The following TENM3 variants were observed in gnomAD, a reference collection of about 807,000 sequenced individuals.
TENM3 encodes teneurin transmembrane protein 3, also known as teneurin-3.
In TENM3, 63 loss-of-function variants were observed where a neutral mutation model predicts 255.1. That is an observed-to-expected ratio of 0.25 (90% CI 0.20 to 0.30). The LOEUF is 0.30. Among genes scored for constraint, TENM3 ranks in the 10% least tolerant of loss-of-function variants. The pLI is 1.00. For synonymous variants in TENM3, 1,306 were observed against 1,322.3 expected, an observed-to-expected ratio of 0.99 and a Z score of 0.27; for missense variants, 2,929 against 3,461.1, an observed-to-expected ratio of 0.85 and a Z score of 3.86.
chr4:182,144,927 T>TCCCCG (rs1554021118), intron 1 of TENM3: 4 of 150,016 alleles, frequency 2.7e-5, no homozygotes, highest in Admixed American at 1.3e-4. Flanking sequence ...GGCCTCCCCG[T>TCCCCG]CCCCGCCCCG....
At chr4:181,478,185 C>G in the TENM3 span, among the ~76,000 whole-genome samples, 24 of 152,164 alleles carry the variant, frequency 1.6e-4, no homozygotes, top group African/African-American at 5.8e-4. Flanking sequence ...GCCACAATTA[C>G]AGTTTTGCTC....
At chr4:182,679,529 A>G (rs1045606990) in intron 7 of TENM3, 137 bp from the exon 8 acceptor site, 2 of 671,628 alleles carry the variant, frequency 3.0e-6, no homozygotes, top group African/African-American at 3.6e-5. Context: ...GGAGACTTCT[A>G]CCATTTGGAC....
At chr4:182,492,433 T>G (rs2151593455) in intron 3 of TENM3, among the ~76,000 whole-genome samples, 1 of 152,300 alleles carries the variant, frequency 6.6e-6, no homozygotes, top group Admixed American at 6.5e-5. Flanking sequence ...AAGTCAATTA[T>G]AACTAATTAT....
At chr4:181,693,595 C>T in the TENM3 span, among the ~76,000 whole-genome samples, 4 of 152,182 alleles carry the variant, frequency 2.6e-5, no homozygotes, top group Non-Finnish European at 5.9e-5. Flanking sequence ...AAAGAACCTT[C>T]AGGAGTCCTC....
intron 3 of TENM3, among the ~76,000 whole-genome samples, chr4:182,362,316 C>T (rs1356047218): frequency 6.6e-6 from 1 of 152,124 alleles, no homozygotes; most frequent in Non-Finnish European, 1.5e-5. Context: ...GTGCCCTGCA[C>T]CCAGAGGTGG....
At chr4:181,797,744 G>T in the TENM3 span, among the ~76,000 whole-genome samples, 1 of 152,198 alleles carries the variant, frequency 6.6e-6, no homozygotes, top group Non-Finnish European at 1.5e-5. Flanking sequence ...CTAAAAACTG[G>T]ATGAAAATAC....
At chr4:182,644,330 G>C (rs1432994659) in intron 5 of TENM3, among the ~76,000 whole-genome samples, 1 of 152,166 alleles carries the variant, frequency 6.6e-6, no homozygotes, top group Non-Finnish European at 1.5e-5. Context: ...ATCAAAATTT[G>C]GCACCTTTTT....
intron 3 of TENM3, among the ~76,000 whole-genome samples, chr4:182,494,900 T>G (rs954889872): frequency 2.0e-5 from 3 of 152,204 alleles, no homozygotes; most frequent in African/African-American, 7.2e-5. Context: ...TGACGTTTAT[T>G]AGATCACCTT....
the TENM3 span, among the ~76,000 whole-genome samples, chr4:181,822,681 G>A: frequency 6.6e-6 from 1 of 152,178 alleles, no homozygotes; most frequent in Non-Finnish European, 1.5e-5. Context: ...CTTAACGTAT[G>A]ACAAGTATGT....
chr4:181,534,837 G>C, the TENM3 span, among the ~76,000 whole-genome samples: 1 of 152,098 alleles, frequency 6.6e-6, no homozygotes, highest in African/African-American at 2.4e-5. Flanking sequence ...TAGCTTTTCA[G>C]GCACTCAAAC....
chr4:182,794,619 T>C (rs1270013789), intron 26 of TENM3, among the ~76,000 whole-genome samples: 1 of 152,262 alleles, frequency 6.6e-6, no homozygotes, highest in Non-Finnish European at 1.5e-5. Context: ...ACAATACTAA[T>C]AGGCATACTA....
the TENM3 span, among the ~76,000 whole-genome samples, chr4:181,449,738 G>C: frequency 6.6e-6 from 1 of 152,304 alleles, no homozygotes; most frequent in Admixed American, 6.5e-5. Flanking sequence ...AATGAGCCGA[G>C]ATCGTGCCGC....
At chr4:181,647,526 G>A in the TENM3 span, among the ~76,000 whole-genome samples, 1 of 152,154 alleles carries the variant, frequency 6.6e-6, no homozygotes, top group African/African-American at 2.4e-5. Context: ...TCTGTTGTAT[G>A]CTTACACTTT....
chr4:182,615,736 A>C (rs937735523), intron 4 of TENM3, among the ~76,000 whole-genome samples: 1 of 152,122 alleles, frequency 6.6e-6, no homozygotes, highest in African/African-American at 2.4e-5. Context: ...AAGTGAAAAA[A>C]AAAAAAGAGT....
At chr4:182,711,536 A>G in intron 12 of TENM3, 1 of 961,126 alleles carries the variant, frequency 1.0e-6, no homozygotes, top group Non-Finnish European at 1.2e-6. Context: ...ACACTTCTGA[A>G]ATGTCTGTCT....
At chr4:181,995,653 C>T in the TENM3 span, among the ~76,000 whole-genome samples, 16 of 152,116 alleles carry the variant, frequency 1.1e-4, no homozygotes, top group East Asian at 3.9e-4. Context: ...ATTTGTGTGG[C>T]GCCCATATAT....
At chr4:182,589,673 CT>C (rs1746405148) in intron 3 of TENM3, among the ~76,000 whole-genome samples, 1 of 151,906 alleles carries the variant, frequency 6.6e-6, no homozygotes, top group South Asian at 2.1e-4. Context: ...AGAGTATATT[CT>C]TTTAAAAACG....
At chr4:182,766,172 G>C (rs962306443) in intron 22 of TENM3, among the ~76,000 whole-genome samples, 1 of 152,090 alleles carries the variant, frequency 6.6e-6, no homozygotes, top group Non-Finnish European at 1.5e-5. Flanking sequence ...AAGAGAAGGA[G>C]GGGTTTGTCC....
At chr4:182,597,211 T>A (rs1172987337) in intron 3 of TENM3, among the ~76,000 whole-genome samples, 4 of 152,178 alleles carry the variant, frequency 2.6e-5, no homozygotes, top group African/African-American at 9.6e-5. Context: ...AAGACTGGCC[T>A]GGGCAACATA....
Sources: gnomAD v4.1 joint callset for allele counts (sites outside exome capture counted in the v4.1 genomes callset) on GRCh38, gnomAD v4.1.1 for gene constraint, MANE v1.5 for transcripts, NCBI Gene and HGNC (gene_info 2026-07-23, HGNC 2026-07-21) for gene names.